The following MCOLN3 variants were observed in gnomAD, a reference collection of about 807,000 sequenced individuals.
MCOLN3 encodes the protein mucolipin-3.
In MCOLN3, 62 loss-of-function variants were observed where a neutral mutation model predicts 69.4. The ratio of observed to expected loss-of-function variants is 0.89; its 90% CI spans 0.73 to 1.10. MCOLN3 has a LOEUF of 1.10. Ranked by LOEUF, MCOLN3 falls within the 50% of genes least tolerant of loss-of-function variation. MCOLN3 has a pLI of 0.00. For synonymous variants in MCOLN3, 183 were observed against 217.0 expected (o/e 0.84, Z 1.38); for missense variants, 564 against 656.4 (o/e 0.86, Z 1.54).
At chr1:85,030,806 G>A (rs1343549843) in intron 6 of MCOLN3, among the ~76,000 whole-genome samples, 2 of 152,092 alleles carry the variant, frequency 1.3e-5, no homozygotes, top group Non-Finnish European at 2.9e-5. Flanking sequence ...AATAATGCAA[G>A]CTAGAAGCAA....
chr1:85,024,040 A>G (rs1266063585), intron 9 of MCOLN3, among the ~76,000 whole-genome samples: 1 of 151,858 alleles, frequency 6.6e-6, no homozygotes, highest in Non-Finnish European at 1.5e-5. Context: ...CACCGAAAGA[A>G]TGAGATTTTG....
chr1:85,035,679 C>T (rs890765883), intron 3 of MCOLN3, among the ~76,000 whole-genome samples: 2 of 152,150 alleles, frequency 1.3e-5, no homozygotes, highest in South Asian at 4.1e-4. Flanking sequence ...AGGACTGTCT[C>T]TCATCACCTT....
intron 3 of MCOLN3, among the ~76,000 whole-genome samples, chr1:85,038,099 C>T (rs972080526): frequency 4.6e-5 from 7 of 152,236 alleles, no homozygotes; most frequent in Admixed American, 6.5e-5. Flanking sequence ...CCGGAAGACC[C>T]TGAGGCCTTT....
At position 85,019,272 on chromosome 1, in the gene MCOLN3, G is replaced by A. The variant is rs756876847; in HGVS notation, c.1528-15C>T. 2 of 1,603,980 alleles carry A rather than the reference G, an allele frequency of 1.2e-6. No homozygotes were observed. Among genetic ancestry groups the A allele is most frequent in the Non-Finnish European group, 1.7e-6 (2 of 1,177,008 alleles). On this transcript the variant is annotated splice_polypyrimidine_tract_variant and intron_variant, in intron 12 of 12. Coordinates refer to ENST00000370589, the MANE Select transcript of MCOLN3 (RefSeq NM_018298.11). ...TGTTGGTATTGCTAAACAGAAGAAT[G>A]TTAAAAAGCTTTTATTAATAAGCTC...
chr1:85,033,379 A>G (rs1409110791), intron 4 of MCOLN3, among the ~76,000 whole-genome samples: 1 of 152,176 alleles, frequency 6.6e-6, no homozygotes, highest in African/African-American at 2.4e-5. Flanking sequence ...TGTTTCTTCA[A>G]TAGACATCCC....
intron 2 of MCOLN3, 70 bp downstream of exon 2, chr1:85,045,063 A>G (rs1008019329): frequency 1.6e-6 from 2 of 1,248,578 alleles, no homozygotes; most frequent in African/African-American, 3.1e-5. Context: ...TTTAAAAAAA[A>G]AACCACTGTC....
chr1:85,031,269 CA>C (rs60048551), intron 6 of MCOLN3, among the ~76,000 whole-genome samples: 31,659 of 97,304 alleles, frequency 0.33, 3,186 homozygotes, highest in Middle Eastern at 0.41. Context: ...GAATCCATCT[CA>C]AAAAAAAAAA....
At chr1:85,041,421 C>T (rs1653057692) in intron 2 of MCOLN3, among the ~76,000 whole-genome samples, 1 of 152,190 alleles carries the variant, frequency 6.6e-6, no homozygotes, top group African/African-American at 2.4e-5. Context: ...ACCCTTTCAA[C>T]TCATGTTTAA....
At chr1:85,038,467 G>A (rs896956537) in intron 3 of MCOLN3, among the ~76,000 whole-genome samples, 3 of 152,134 alleles carry the variant, frequency 2.0e-5, no homozygotes, top group Non-Finnish European at 2.9e-5. Context: ...ATAATAAACA[G>A]TAGTGCTGTT....
intron 3 of MCOLN3, among the ~76,000 whole-genome samples, chr1:85,037,033 A>T (rs1652834148): frequency 1.3e-5 from 2 of 152,208 alleles, no homozygotes; most frequent in African/African-American, 4.8e-5. Flanking sequence ...GTGAAAAATT[A>T]TAATAATGCG....
chr1:85,021,123 T>C lies in MCOLN3; in HGVS notation c.1474A>G (p.Met492Val), dbSNP rs939557326. ...LYSFISLFIY[M>V]ILSLFIALIT... ...AGTGCAATGAAAAGACTTAAAATCA[T>C]ATATATAAAGAGGCTGATGAATGAG... The change falls in exon 12 of 13, where the codon ATG (methionine) becomes GTG (valine). Residue 492 changes from methionine (M) to valine (V), a missense_variant. Met to Val is a conservative substitution (Grantham distance 21). Coordinates refer to ENST00000370589, the MANE Select transcript of MCOLN3 (RefSeq NM_018298.11). The C allele has an allele frequency of 5.0e-6, 8 of 1,612,056 alleles. No individual in the cohort carries two copies. Among genetic ancestry groups the C allele is most frequent in the African/African-American group, 2.7e-5 (2 of 74,858 alleles).
chr1:85,026,824 T>C (rs954460179), intron 7 of MCOLN3, among the ~76,000 whole-genome samples: 2 of 151,326 alleles, frequency 1.3e-5, no homozygotes, highest in Non-Finnish European at 1.5e-5. Context: ...CCTGTAGTCT[T>C]TTGTTCTTAA....
Position 85,029,078 on chromosome 1 carries a change from C to G in MCOLN3, c.832+28G>C, listed in dbSNP as rs759351209. On this transcript the variant is annotated intron_variant, in intron 7 of 12. Coordinates refer to ENST00000370589, the MANE Select transcript of MCOLN3 (RefSeq NM_018298.11). ...CATTTTACATTATTTAATAACCATTCTGAAAACTAGTAATGCGCATCACTT... is the reference window on the plus strand; with the variant it reads ...CATTTTACATTATTTAATAACCATTGTGAAAACTAGTAATGCGCATCACTT... 2.6e-5 allele frequency: 36 copies of G among 1,364,464 alleles called. No individual in the cohort carries two copies. In the Middle Eastern group the frequency reaches 9.0e-4, roughly 34 times the overall value. The allele number at this position is 1,364,464 out of a possible 1,614,324, so 84.5% of individuals were successfully genotyped here. A position where few individuals can be genotyped will look rare whatever the true frequency, so the allele number is the denominator to read the frequency against.
At position 85,032,711 on chromosome 1, in the gene MCOLN3, A is replaced by C; in HGVS notation, c.717T>G (p.Tyr239Ter). Reference protein sequence around the residue: ...TVRHQELPDCYDFTLTITFDN... With the variant: ...TVRHQELPDC The stretch of plus-strand genomic sequence containing the variant: ...CCACACTTACAGTCAGAGTAAAGTC[A>C]TAACAGTCAGGGAGTTCTTGATGAC... The change falls in exon 6 of 13, where the codon TAT becomes TAG. Residue 239 changes from tyrosine to a stop codon, truncating the protein, a stop_gained. Transcript: ENST00000370589. LOFTEE classifies it high-confidence loss of function. The C allele has an allele frequency of 6.2e-7, 1 of 1,613,574 alleles. No individual in the cohort carries two copies. Among genetic ancestry groups the C allele is most frequent in the Non-Finnish European group, 8.5e-7 (1 of 1,179,466 alleles).
intron 1 of MCOLN3, 116 bp from the exon 2 acceptor site, chr1:85,045,478 A>G: frequency 1.4e-6 from 1 of 740,644 alleles, no homozygotes; most frequent in Non-Finnish European, 2.1e-6. Flanking sequence ...CTGGTTTCAA[A>G]TAAGCACCAT....
intron 6 of MCOLN3, among the ~76,000 whole-genome samples, chr1:85,030,481 T>C (rs1452676139): frequency 6.6e-6 from 1 of 152,216 alleles, no homozygotes; most frequent in Non-Finnish European, 1.5e-5. Flanking sequence ...ATTACTGAAC[T>C]ATGGGACAAC....
intron 4 of MCOLN3, 91 bp from the exon 5 acceptor site, chr1:85,033,047 C>T (rs994093859): frequency 1.2e-5 from 13 of 1,075,990 alleles, no homozygotes; most frequent in Non-Finnish European, 1.8e-5. Context: ...TATTCAGATT[C>T]TATTATTTTT....
chr1:85,043,666 T>C (rs1463034220), intron 2 of MCOLN3, among the ~76,000 whole-genome samples: 1 of 152,188 alleles, frequency 6.6e-6, no homozygotes, highest in Non-Finnish European at 1.5e-5. Context: ...TTCTCCTTTA[T>C]AAGAAACTAA....
At chr1:85,037,056 AT>A (rs1481736758) in intron 3 of MCOLN3, among the ~76,000 whole-genome samples, 2 of 152,134 alleles carry the variant, frequency 1.3e-5, no homozygotes, top group Non-Finnish European at 2.9e-5. Flanking sequence ...GGAGCTCTTC[AT>A]TACTAGAGCT....
Sources: allele counts gnomAD v4.1 joint callset (sites outside exome capture counted in the v4.1 genomes callset), GRCh38; gene constraint gnomAD v4.1.1; transcripts MANE v1.5; gene names NCBI Gene and HGNC (gene_info 2026-07-23, HGNC 2026-07-21).